PCDH15: variants seen among roughly 807,000 people sequenced by gnomAD.
PCDH15 encodes protocadherin-15.
Under a neutral mutation model 178.5 loss-of-function variants are expected in PCDH15, and 129 were observed. The ratio of observed to expected loss-of-function variants is 0.72; its 90% CI spans 0.63 to 0.84. The LOEUF (loss-of-function observed/expected upper bound fraction) is 0.84. Among genes scored for constraint, PCDH15 ranks in the 40% least tolerant of loss-of-function variants. PCDH15 has a pLI of 0.00. For synonymous variants in PCDH15, 800 were observed against 732.0 expected, an observed-to-expected ratio of 1.09 and a Z score of -1.50; for missense variants, 2,230 against 2,099.9, an observed-to-expected ratio of 1.06 and a Z score of -1.21.
chr10:54,653,520 A>G (rs1296824607), intron 2 of PCDH15, among the ~76,000 whole-genome samples: 1 of 152,182 alleles, frequency 6.6e-6, no homozygotes, highest in Non-Finnish European at 1.5e-5. Context: ...GCTGTTGAGG[A>G]TATTTTAAAA....
intron 2 of PCDH15, among the ~76,000 whole-genome samples, chr10:55,369,946 T>C (rs905520838): frequency 3.9e-5 from 6 of 151,910 alleles, no homozygotes; most frequent in African/African-American, 1.5e-4. Flanking sequence ...GGTCAAGTAA[T>C]GGCAATAGCT....
chr10:54,980,688 T>G (rs1200630896), intron 2 of PCDH15, among the ~76,000 whole-genome samples: 1 of 152,148 alleles, frequency 6.6e-6, no homozygotes, highest in Non-Finnish European at 1.5e-5. Context: ...TTTCTTTTGT[T>G]TGATTCTCTA....
intron 26 of PCDH15, among the ~76,000 whole-genome samples, chr10:53,888,789 A>C (rs2081358301): frequency 6.8e-6 from 1 of 146,420 alleles, no homozygotes; most frequent in Non-Finnish European, 1.5e-5. Context: ...ACAAACCTTG[A>C]AGACAAAAAA....
intron 2 of PCDH15, among the ~76,000 whole-genome samples, chr10:54,564,985 G>C (rs1334054239): frequency 6.6e-6 from 1 of 152,096 alleles, no homozygotes; most frequent in Non-Finnish European, 1.5e-5. Context: ...GCAATGTCAA[G>C]AGAAAGGAAA....
intron 1 of PCDH15, among the ~76,000 whole-genome samples, chr10:54,704,692 T>C (rs2095348017): frequency 6.6e-6 from 1 of 152,094 alleles, no homozygotes; most frequent in Non-Finnish European, 1.5e-5. Flanking sequence ...CCTGCATGGT[T>C]GCAAAGAAAA....
At chr10:55,205,865 A>C (rs760973842) in intron 1 of PCDH15, among the ~76,000 whole-genome samples, 1 of 152,116 alleles carries the variant, frequency 6.6e-6, no homozygotes, top group Non-Finnish European at 1.5e-5. Context: ...GGGAGGCCTC[A>C]CAGTCATCGC....
chr10:53,894,828 A>G (rs777651819), intron 26 of PCDH15, among the ~76,000 whole-genome samples: 1 of 152,178 alleles, frequency 6.6e-6, no homozygotes, highest in South Asian at 2.1e-4. Flanking sequence ...TCTGTGGCAC[A>G]GAGTGATGGA....
chr10:53,827,637 A>G (rs2076772369), intron 31 of PCDH15, 89 bp from the exon 32 acceptor site: 2 of 1,465,262 alleles, frequency 1.4e-6, no homozygotes, highest in South Asian at 1.2e-5. Context: ...GGGTCCAGTT[A>G]TCAGGGGAAC....
At chr10:54,066,617 C>T in intron 18 of PCDH15, 140 bp downstream of exon 18, 1 of 697,722 alleles carries the variant, frequency 1.4e-6, no homozygotes, top group South Asian at 2.3e-5. Context: ...GGATATGATT[C>T]ATTTTTTAAA....
At chr10:54,139,779 A>G (rs997774589) in intron 14 of PCDH15, among the ~76,000 whole-genome samples, 1 of 152,060 alleles carries the variant, frequency 6.6e-6, no homozygotes, top group Non-Finnish European at 1.5e-5. Context: ...AAGAAAACCA[A>G]TAAGTAGAAG....
At chr10:54,396,191 A>G (rs1291868536) in intron 3 of PCDH15, among the ~76,000 whole-genome samples, 2 of 152,184 alleles carry the variant, frequency 1.3e-5, no homozygotes, top group South Asian at 2.1e-4. Flanking sequence ...ATCTACATTA[A>G]CAAGCTTTAC....
chr10:54,280,927 AATT>A (rs1257817492), intron 8 of PCDH15, among the ~76,000 whole-genome samples: 1 of 151,848 alleles, frequency 6.6e-6, no homozygotes, highest in African/African-American at 2.4e-5. Flanking sequence ...AAATTTATAT[AATT>A]TTTTAATTTA....
chr10:55,158,269 G>A (rs193083211), intron 2 of PCDH15, among the ~76,000 whole-genome samples: 5 of 152,048 alleles, frequency 3.3e-5, no homozygotes, highest in African/African-American at 1.2e-4. Context: ...GGTAATGAGT[G>A]CTGGGTTTGG....
intron 3 of PCDH15, among the ~76,000 whole-genome samples, chr10:54,511,552 A>T (rs566153504): frequency 4.6e-5 from 7 of 152,250 alleles, no homozygotes; most frequent in Admixed American, 2.0e-4. Flanking sequence ...GTTTGTTTCC[A>T]TATTAAGTCT....
chr10:53,908,443 T>G (rs1308461876), intron 25 of PCDH15, among the ~76,000 whole-genome samples: 1 of 152,254 alleles, frequency 6.6e-6, no homozygotes, highest in Non-Finnish European at 1.5e-5. Context: ...TATCAAAATA[T>G]GCTGTAATTA....
intron 1 of PCDH15, among the ~76,000 whole-genome samples, chr10:55,190,128 A>G (rs1839904032): frequency 6.6e-6 from 1 of 151,836 alleles, no homozygotes; most frequent in Non-Finnish European, 1.5e-5. Context: ...ATGTCAAGCA[A>G]AAGAATCCAG....
At chr10:54,968,922 T>C (rs1053698972) in intron 2 of PCDH15, among the ~76,000 whole-genome samples, 2 of 152,174 alleles carry the variant, frequency 1.3e-5, no homozygotes, top group African/African-American at 4.8e-5. Context: ...TCCTATCCAG[T>C]ATATTTTTCA....
intron 26 of PCDH15, among the ~76,000 whole-genome samples, chr10:53,888,282 C>CTGTATATATATATATATA (rs2081240668): frequency 1.0e-5 from 1 of 95,426 alleles, no homozygotes; most frequent in African/African-American, 6.4e-5. Context: ...CATTCCAACA[C>CTGTATATATATATATATA]TATATATACA....
intron 2 of PCDH15, among the ~76,000 whole-genome samples, chr10:54,998,972 GTTTAT>G (rs1386143588): frequency 1.3e-5 from 2 of 151,868 alleles, no homozygotes; most frequent in African/African-American, 4.8e-5. Context: ...TTGCTTTCCT[GTTTAT>G]TTTGTTTTGC....
Sources: gnomAD v4.1 joint callset for allele counts (sites outside exome capture counted in the v4.1 genomes callset) on GRCh38, gnomAD v4.1.1 for gene constraint, MANE v1.5 for transcripts, NCBI Gene and HGNC (gene_info 2026-07-23, HGNC 2026-07-21) for gene names.